The following TRIT1 variants were observed in gnomAD, a reference collection of about 807,000 sequenced individuals.
TRIT1 encodes the protein tRNA dimethylallyltransferase.
TRIT1 carries 43 observed loss-of-function variants against 51.2 expected under a neutral mutation model. The ratio of observed to expected loss-of-function variants is 0.84; its 90% CI spans 0.66 to 1.08. TRIT1 has a LOEUF of 1.08. Among genes scored for constraint, TRIT1 ranks in the 50% least tolerant of loss-of-function variants. The pLI, the probability that TRIT1 is intolerant of heterozygous loss-of-function variation, is 0.00. For synonymous variants in TRIT1, 184 were observed against 203.9 expected (o/e 0.90, Z 0.83); for missense variants, 528 against 578.4 (o/e 0.91, Z 0.89).
At chr1:39,859,393 C>T (rs778544137) in intron 1 of TRIT1, among the ~76,000 whole-genome samples, 13 of 149,914 alleles carry the variant, frequency 8.7e-5, no homozygotes, top group Non-Finnish European at 1.9e-4. Flanking sequence ...CAAGACCAGC[C>T]TGGGAGACAT....
chr1:39,870,809 C>T (rs575587711), intron 1 of TRIT1, among the ~76,000 whole-genome samples: 1 of 152,254 alleles, frequency 6.6e-6, no homozygotes, highest in African/African-American at 2.4e-5. Flanking sequence ...GGTATTTACT[C>T]AAATGAAATT....
At chr1:39,845,308 T>C (rs901872052) in intron 8 of TRIT1, among the ~76,000 whole-genome samples, 3 of 152,232 alleles carry the variant, frequency 2.0e-5, no homozygotes. Context: ...AGAGTGCAGC[T>C]ACAGGTATTT....
rs1363282170 is a variant in TRIT1, at chr1:39,838,735, G to A, written c.*3009C>T. Among the ~76,000 whole-genome samples, 1 of 152,198 alleles carries A rather than the reference G, an allele frequency of 6.6e-6. No individual in the cohort carries two copies. The highest frequency in any genetic ancestry group is 1.5e-5 in the Non-Finnish European group (1 of 68,026). ...AGGCTGGTCTCAAACTCCTAGGCTT[G>A]AGTGATCCTTCTGCCTCAGTTACCC... On this transcript the variant is annotated 3_prime_UTR_variant, in exon 11 of 11. Coordinates refer to ENST00000316891, the MANE Select transcript of TRIT1 (RefSeq NM_017646.6).
At chr1:39,857,034 G>A (rs1642941605) in intron 2 of TRIT1, among the ~76,000 whole-genome samples, 1 of 152,120 alleles carries the variant, frequency 6.6e-6, no homozygotes, top group African/African-American at 2.4e-5. Flanking sequence ...GTCTGGAGTG[G>A]GGCCCAAGAA....
At chr1:39,881,758 G>C (rs1345326275) in intron 1 of TRIT1, 2 of 151,958 alleles carry the variant, frequency 1.3e-5, no homozygotes, top group Non-Finnish European at 2.9e-5. Flanking sequence ...CTTTTTCAGA[G>C]AGCTTTCCAT....
chr1:39,853,889 G>A (rs1330520662), intron 3 of TRIT1, 81 bp downstream of exon 3: 1 of 974,402 alleles, frequency 1.0e-6, no homozygotes, highest in Non-Finnish European at 1.6e-6. Context: ...ATAGGCAAGA[G>A]TCAACCTTTC....
chr1:39,869,092 C>T (rs895431418), intron 1 of TRIT1, among the ~76,000 whole-genome samples: 16 of 151,796 alleles, frequency 1.1e-4, no homozygotes, highest in Non-Finnish European at 1.8e-4. Flanking sequence ...TCTCCCCCTC[C>T]CCCTCCCTCT....
chr1:39,849,785 C>A (rs994315229), intron 5 of TRIT1, among the ~76,000 whole-genome samples: 7 of 152,206 alleles, frequency 4.6e-5, no homozygotes, highest in African/African-American at 1.2e-4. Flanking sequence ...AACATTCTAG[C>A]CTCCAGCCAA....
In TRIT1 at chr1:39,847,545, C is replaced by T. The variant is rs375819748; in HGVS notation, c.928+3G>A. The T allele has an allele frequency of 8.7e-6, 14 of 1,613,838 alleles. No homozygotes were observed. Among genetic ancestry groups the T allele is most frequent in the Non-Finnish European group, 1.2e-5 (14 of 1,179,798 alleles). ...AGACTAGATTAGATGGAAGAATTCACACCTTTCTTTAGAAGCTGGTTACTA... is the reference window on the plus strand; with the variant it reads ...AGACTAGATTAGATGGAAGAATTCATACCTTTCTTTAGAAGCTGGTTACTA... On this transcript the variant is annotated splice_donor_region_variant and intron_variant, in intron 7 of 10. Transcript: ENST00000316891.
chr1:39,859,819 A>G (rs1431579743), intron 1 of TRIT1, among the ~76,000 whole-genome samples: 1 of 152,192 alleles, frequency 6.6e-6, no homozygotes, highest in African/African-American at 2.4e-5. Flanking sequence ...CTAAATTTTT[A>G]CACTGAGATT....
chr1:39,877,232 C>T (rs1218748625), intron 1 of TRIT1, among the ~76,000 whole-genome samples: 2 of 150,382 alleles, frequency 1.3e-5, no homozygotes, highest in Non-Finnish European at 3.0e-5. Context: ...TGGGGTAGCT[C>T]ATGCCTGTAA....
At chr1:39,878,928 C>CCG (rs2124688998) in intron 1 of TRIT1, among the ~76,000 whole-genome samples, 1 of 152,236 alleles carries the variant, frequency 6.6e-6, no homozygotes, top group African/African-American at 2.4e-5. Flanking sequence ...ACATCTTTTT[C>CCG]CTGATCAAAA....
chr1:39,868,911 T>A (rs1337622618), intron 1 of TRIT1, among the ~76,000 whole-genome samples: 1 of 151,190 alleles, frequency 6.6e-6, no homozygotes, highest in Non-Finnish European at 1.5e-5. Context: ...AATATAAAAA[T>A]TAGCTGGGCG....
rs530145607 is a variant in TRIT1 at position 39,854,163 on chromosome 1, G to A, written c.316-95C>T. ...GAAACCACATTCATTTATCTGCAGA[G>A]CAGAGGAGAAAGGGTGGGAACCAAA... On this transcript the variant is annotated intron_variant, in intron 2 of 10. Transcript: ENST00000316891. 3.7e-4 allele frequency: 341 copies of A among 923,038 alleles called. 2 individuals carry two copies. The South Asian group carries it at 5.4e-3, about 15-fold the overall frequency. The allele number at this position is 923,038 out of a possible 1,614,324, so 57.2% of individuals were successfully genotyped here. A position where few individuals can be genotyped will look rare whatever the true frequency, so the allele number is the denominator to read the frequency against.
In TRIT1 at chr1:39,838,620, A is replaced by T. The variant is rs143106503; in HGVS notation, c.*3124T>A. Among the ~76,000 whole-genome samples the T allele has an allele frequency of 5.3e-5, 8 of 152,210 alleles. No homozygotes were observed. The East Asian group carries it at 1.6e-3, about 30-fold the overall frequency. On this transcript the variant is annotated 3_prime_UTR_variant, in exon 11 of 11. Transcript: ENST00000316891. Reference sequence around the variant, plus strand: ...CCACGTAGCTGGGACTATAGGCATGACCCACCATACCCGGCATGCATACAT... The same window carrying T: ...CCACGTAGCTGGGACTATAGGCATGTCCCACCATACCCGGCATGCATACAT...
At chr1:39,866,369 G>C (rs549166153) in intron 1 of TRIT1, among the ~76,000 whole-genome samples, 1 of 152,104 alleles carries the variant, frequency 6.6e-6, no homozygotes, top group East Asian at 1.9e-4. Context: ...TCCAAGCTTC[G>C]GGAGAAAAGA....
rs548026678 is a variant in TRIT1 at position 39,880,058 on chromosome 1, C to T, written c.174+3260G>A. The stretch of plus-strand genomic sequence containing the variant: ...GGCCTGGTGGCATGTGCCTGTAGTC[C>T]TAGCTGCTCGGGAGGCTGAGGCAGG... On this transcript the variant is annotated intron_variant, in intron 1 of 10. Coordinates refer to ENST00000316891, the MANE Select transcript of TRIT1 (RefSeq NM_017646.6). Among the ~76,000 whole-genome samples the T allele has an allele frequency of 3.8e-3, 579 of 151,468 alleles. 8 individuals are homozygous for T. Among genetic ancestry groups the T allele is most frequent in the African/African-American group, 0.013 (550 of 41,246 alleles).
At position 39,883,177 on chromosome 1, in the gene TRIT1, G is replaced by C. The variant is rs188303081; in HGVS notation, c.174+141C>G. ...CTGGCACTGTGTCTGGCATGCGGCG[G>C]GTGCTTAGTAAGTATGGGCTCCCTT... On this transcript the variant is annotated intron_variant, in intron 1 of 10. Coordinates refer to ENST00000316891, the MANE Select transcript of TRIT1 (RefSeq NM_017646.6). 4.3e-4 allele frequency: 336 copies of C among 774,212 alleles called. 1 individual carries two copies. Among genetic ancestry groups the C allele is most frequent in the Non-Finnish European group, 6.6e-5 (33 of 498,692 alleles). The allele number at this position is 774,212 out of a possible 1,614,324, so 48.0% of individuals were successfully genotyped here. A position where few individuals can be genotyped will look rare whatever the true frequency, so the allele number is the denominator to read the frequency against.
At chr1:39,872,752 AACACACAC>A (rs61554657) in intron 1 of TRIT1, among the ~76,000 whole-genome samples, 13 of 135,078 alleles carry the variant, frequency 9.6e-5, no homozygotes, top group African/African-American at 2.6e-4. Context: ...GGAAGTACTA[AACACACAC>A]ACACACACAC....
Sources: allele counts gnomAD v4.1 joint callset (sites outside exome capture counted in the v4.1 genomes callset), GRCh38; gene constraint gnomAD v4.1.1; transcripts MANE v1.5; gene names NCBI Gene and HGNC (gene_info 2026-07-23, HGNC 2026-07-21).